Variants in ANKS1B observed in about 807,000 individuals in gnomAD.
The protein encoded by ANKS1B is ankyrin repeat and sterile alpha motif domain containing 1B, also known as ankyrin repeat and sterile alpha motif domain-containing protein 1B.
A neutral mutation model predicts 148.3 loss-of-function variants in ANKS1B; 36 were observed. That is an observed-to-expected ratio of 0.24 (90% CI 0.19 to 0.32). The LOEUF (loss-of-function observed/expected upper bound fraction) is 0.32. Ranked by LOEUF, ANKS1B falls within the 10% of genes least tolerant of loss-of-function variation. The pLI is 1.00. For missense variants in ANKS1B, 1,157 were observed against 1,542.6 expected (o/e 0.75, Z 4.19); for synonymous variants, 542 against 560.8 (o/e 0.97, Z 0.47).
At chr12:99,616,636 T>G (rs2097965340) in intron 9 of ANKS1B, among the ~76,000 whole-genome samples, 1 of 151,992 alleles carries the variant, frequency 6.6e-6, no homozygotes, top group African/African-American at 2.4e-5. Flanking sequence ...ATACAAAAAT[T>G]AACTCAAGAT....
intron 1 of ANKS1B, among the ~76,000 whole-genome samples, chr12:99,941,878 G>A (rs879266029): frequency 5.3e-5 from 8 of 152,134 alleles, no homozygotes; most frequent in African/African-American, 1.2e-4. Context: ...ACCATGCAGA[G>A]AATGGAAGAA....
Position 99,274,348 on chromosome 12 carries a change from C to A in ANKS1B, c.1757-27484G>T, listed in dbSNP as rs77918739. On this transcript the variant is annotated intron_variant, in intron 12 of 26. Coordinates refer to ENST00000683438, the MANE Select transcript of ANKS1B (RefSeq NM_001352186.2). ...TCTTTTACTTATCTCTGTTTTCTCA[C>A]ATTTTGTCATCTAACAAGAAGAAGA... Among the ~76,000 whole-genome samples the A allele has an allele frequency of 3.5e-3, 530 of 152,224 alleles. 17 individuals are homozygous for A. The East Asian group carries it at 0.066, about 19-fold the overall frequency.
At chr12:98,874,721 T>A (rs2099683411) in intron 17 of ANKS1B, among the ~76,000 whole-genome samples, 1 of 152,128 alleles carries the variant, frequency 6.6e-6, no homozygotes, top group African/African-American at 2.4e-5. Flanking sequence ...TATCTGTATG[T>A]TTAGAAAAGT....
At chr12:99,581,969 T>A (rs2097575331) in intron 9 of ANKS1B, among the ~76,000 whole-genome samples, 1 of 150,266 alleles carries the variant, frequency 6.7e-6, no homozygotes, top group Admixed American at 6.6e-5. Context: ...ATACATCTGA[T>A]AAAACACTTG....
intron 1 of ANKS1B, among the ~76,000 whole-genome samples, chr12:99,926,670 T>C (rs987715333): frequency 1.3e-5 from 2 of 152,206 alleles, no homozygotes; most frequent in Admixed American, 6.5e-5. Context: ...TTCCTTATAA[T>C]AAATGCCTTT....
chr12:99,279,291 T>C (rs1247233394), intron 12 of ANKS1B, among the ~76,000 whole-genome samples: 2 of 152,212 alleles, frequency 1.3e-5, no homozygotes, highest in African/African-American at 2.4e-5. Flanking sequence ...AGCTCTATTA[T>C]AAGGAAAAGG....
At chr12:99,808,750 G>A (rs1438897168) in intron 3 of ANKS1B, among the ~76,000 whole-genome samples, 1 of 151,998 alleles carries the variant, frequency 6.6e-6, no homozygotes, top group Non-Finnish European at 1.5e-5. Context: ...TTCAATCTCA[G>A]TTTTCAAAAT....
chr12:99,413,243 C>T (rs944073084), intron 11 of ANKS1B, among the ~76,000 whole-genome samples: 2 of 152,070 alleles, frequency 1.3e-5, no homozygotes, highest in Non-Finnish European at 2.9e-5. Context: ...CAGATAATCT[C>T]AGTTAAGTGG....
chr12:99,299,219 C>A (rs910982195), intron 12 of ANKS1B, among the ~76,000 whole-genome samples: 2 of 152,068 alleles, frequency 1.3e-5, no homozygotes, highest in Non-Finnish European at 2.9e-5. Flanking sequence ...CGCTACCATG[C>A]CTGGCTAAGT....
intron 4 of ANKS1B, among the ~76,000 whole-genome samples, chr12:99,800,275 G>A (rs2066776747): frequency 1.3e-5 from 2 of 152,002 alleles, no homozygotes; most frequent in South Asian, 2.1e-4. Context: ...CAAGAAGGCA[G>A]CCATCTAACA....
intron 17 of ANKS1B, among the ~76,000 whole-genome samples, chr12:98,980,563 A>G (rs1300054321): frequency 6.6e-6 from 1 of 152,156 alleles, no homozygotes; most frequent in Admixed American, 6.5e-5. Flanking sequence ...TCATTTCTGA[A>G]TCTATTTCTA....
intron 14 of ANKS1B, among the ~76,000 whole-genome samples, chr12:99,238,823 C>T (rs917401986): frequency 6.6e-6 from 1 of 152,134 alleles, no homozygotes; most frequent in East Asian, 1.9e-4. Context: ...AGCTGAGGGG[C>T]TTGACTGTTA....
intron 12 of ANKS1B, among the ~76,000 whole-genome samples, chr12:99,262,488 C>T (rs754178029): frequency 6.6e-6 from 1 of 151,838 alleles, no homozygotes; most frequent in Admixed American, 6.6e-5. Context: ...ATAAAATAAC[C>T]TTTTATTCTG....
intron 1 of ANKS1B, among the ~76,000 whole-genome samples, chr12:99,830,668 C>T (rs1188742750): frequency 1.3e-5 from 2 of 149,650 alleles, no homozygotes; most frequent in Non-Finnish European, 3.0e-5. Flanking sequence ...AAACATCATT[C>T]AATAAATAGT....
At chr12:99,265,427 T>G (rs565729292) in intron 12 of ANKS1B, among the ~76,000 whole-genome samples, 4 of 152,312 alleles carry the variant, frequency 2.6e-5, no homozygotes, top group African/African-American at 9.6e-5. Context: ...TAATGCACAT[T>G]CTTAGGCCCT....
At chr12:99,360,733 C>G (rs1204800489) in intron 12 of ANKS1B, among the ~76,000 whole-genome samples, 3 of 152,098 alleles carry the variant, frequency 2.0e-5, no homozygotes, top group Non-Finnish European at 4.4e-5. Context: ...CTGACCCACG[C>G]CAAGCTGAAC....
intron 12 of ANKS1B, among the ~76,000 whole-genome samples, chr12:99,365,011 A>G (rs1411426982): frequency 1.3e-5 from 2 of 152,220 alleles, no homozygotes; most frequent in African/African-American, 4.8e-5. Context: ...ACTGATTGAA[A>G]GGATCCACTG....
chr12:98,988,872 T>A (rs888956711), intron 17 of ANKS1B, among the ~76,000 whole-genome samples: 1 of 152,240 alleles, frequency 6.6e-6, no homozygotes, highest in African/African-American at 2.4e-5. Flanking sequence ...CACCTTTTCA[T>A]ATACTTCTTG....
chr12:99,818,781 C>T (rs1290267899), intron 2 of ANKS1B, among the ~76,000 whole-genome samples: 1 of 151,774 alleles, frequency 6.6e-6, no homozygotes, highest in Non-Finnish European at 1.5e-5. Flanking sequence ...CATGTAAGTT[C>T]AGTTAAAAAC....
Sources: gnomAD v4.1 joint callset for allele counts (sites outside exome capture counted in the v4.1 genomes callset) on GRCh38, gnomAD v4.1.1 for gene constraint, MANE v1.5 for transcripts, NCBI Gene and HGNC (gene_info 2026-07-23, HGNC 2026-07-21) for gene names.